The following FAM177B variants were observed in gnomAD, a reference collection of about 807,000 sequenced individuals.
FAM177B encodes the protein protein FAM177B.
Under a neutral mutation model 16.1 loss-of-function variants are expected in FAM177B, and 16 were observed. The observed-to-expected ratio is 0.99, with a 90% CI of 0.67 to 1.51. The LOEUF (loss-of-function observed/expected upper bound fraction) is 1.51. FAM177B is among the 40% of genes most tolerant of loss of function. The probability of loss-of-function intolerance (pLI) is 0.00; values close to 1 mark genes in which losing one functional copy is unlikely to be tolerated. For missense variants in FAM177B, 178 were observed against 183.7 expected (o/e 0.97, Z 0.18); for synonymous variants, 56 against 59.9 (o/e 0.93, Z 0.30).
intron 4 of FAM177B, 43 bp from the exon 5 acceptor site, chr1:222,749,422 A>G (rs1658950161): frequency 8.9e-7 from 1 of 1,128,380 alleles, no homozygotes; most frequent in Non-Finnish European, 1.3e-6. Context: ...GCGAAGCTTT[A>G]GTTAGTAATT....
rs1659010664 is a variant in FAM177B at position 222,750,668 on chromosome 1, AT to A, written c.*611del. 5.6e-6 allele frequency: 3 copies of A among 534,396 alleles called. No homozygotes were observed. Among genetic ancestry groups the A allele is most frequent in the Non-Finnish European group, 7.2e-6 (3 of 418,450 alleles). 33.1% of individuals were successfully genotyped at this position (534,396 alleles called of 1,614,324 possible). A position where few individuals can be genotyped will look rare whatever the true frequency, so the allele number is the denominator to read the frequency against. ...TAAATAATATAAGCTCTAGAAAAAA[AT>A]ATTAATGGATTATTTTCTTATTTAT... On this transcript the variant is annotated 3_prime_UTR_variant, in exon 6 of 6. Coordinates refer to ENST00000445590, the MANE Select transcript of FAM177B (RefSeq NM_001394345.1).
chr1:222,746,569 G>C lies in FAM177B; in HGVS notation c.24G>C (p.Gln8His). 6.2e-7 allele frequency: 1 copy of C among 1,606,716 alleles called. No individual in the cohort carries two copies. Among genetic ancestry groups the C allele is most frequent in the Non-Finnish European group, 8.5e-7 (1 of 1,175,246 alleles). MEIDGFQ[Q>H]LDLEKSVPSK... is the part of the protein sequence containing the mutation. The stretch of plus-strand genomic sequence containing the variant: ...TTATGGAGATTGACGGTTTCCAGCA[G>C]TTAGACCTAGAGAAGAGTGTACCTT... Residue 8 changes from glutamine to histidine, a missense_variant, in exon 3 of 6, where the codon CAG becomes CAC. Physicochemically the swap from Gln to His is conservative, Grantham distance 24. Transcript: ENST00000445590.
chr1:222,750,937 G>A lies in FAM177B; in HGVS notation c.*879G>A, dbSNP rs1659024437. ...AGCTCCAGTCTACTTTGTAAAATAT[G>A]GGTGACTTGACTTTGCTTGTTATTG... On this transcript the variant is annotated 3_prime_UTR_variant, in exon 6 of 6. Coordinates refer to ENST00000445590, the MANE Select transcript of FAM177B (RefSeq NM_001394345.1). 1 of 152,118 alleles carries A rather than the reference G, an allele frequency of 6.6e-6. No homozygotes were observed. The highest frequency in any genetic ancestry group is 2.4e-5 in the African/African-American group (1 of 41,428). The allele number at this position is 152,118 out of a possible 1,614,324, so 9.4% of individuals were successfully genotyped here.
At chr1:222,741,905 CCTCTCT>C (rs71175184) in intron 2 of FAM177B, among the ~76,000 whole-genome samples, 1,140 of 77,938 alleles carry the variant, frequency 0.015, 20 homozygotes, top group African/African-American at 0.04. Context: ...TCCCTCCCTC[CCTCTCT>C]CTCTCTCTCT....
rs869214716 is a variant in FAM177B, at chr1:222,745,457, AT to A, written c.-15-1066del. Among the ~76,000 whole-genome samples, 72 of 151,772 alleles carry A rather than the reference AT, an allele frequency of 4.7e-4. 1 individual carries two copies. Among genetic ancestry groups the A allele is most frequent in the Admixed American group, 3.3e-3 (51 of 15,238 alleles). ...TGAGACCCCATCTCTATAAAAAAAA[AT>A]TTTTTTTAATTAGCCAGGCTTGGTG... On this transcript the variant is annotated intron_variant, in intron 2 of 5. Transcript: ENST00000445590.
intron 2 of FAM177B, among the ~76,000 whole-genome samples, chr1:222,741,235 A>AT (rs1362834945): frequency 6.7e-6 from 1 of 149,106 alleles, no homozygotes; most frequent in Non-Finnish European, 1.5e-5. Flanking sequence ...ATTTTTTTGT[A>AT]TTTTTTTTAG....
chr1:222,743,583 C>T (rs1658649343), intron 2 of FAM177B, among the ~76,000 whole-genome samples: 1 of 152,122 alleles, frequency 6.6e-6, no homozygotes. Flanking sequence ...TCAGCTTCAT[C>T]TTAGGTTTTC....
intron 4 of FAM177B, among the ~76,000 whole-genome samples, chr1:222,748,661 T>G (rs1020420202): frequency 2.0e-5 from 3 of 152,206 alleles, no homozygotes; most frequent in Admixed American, 6.5e-5. Flanking sequence ...ATTTTAATAT[T>G]TTTTTAAAAA....
At position 222,748,811 on chromosome 1, in the gene FAM177B, G is replaced by C. The variant is rs74145543; in HGVS notation, c.242-654G>C. ...AGCAATATCCCAAGAGGTAGAATGA[G>C]TCAGAGGAATCAGAAAGTCCTATAA... On this transcript the variant is annotated intron_variant, in intron 4 of 5. Coordinates refer to ENST00000445590, the MANE Select transcript of FAM177B (RefSeq NM_001394345.1). The C allele has an allele frequency of 6.5e-3, 2,189 of 334,692 alleles. 50 individuals carry two copies. Among genetic ancestry groups the C allele is most frequent in the African/African-American group, 0.043 (2,002 of 46,270 alleles). The allele number at this position is 334,692 out of a possible 1,614,324, so 20.7% of individuals were successfully genotyped here.
intron 4 of FAM177B, chr1:222,748,866 C>A: frequency 2.8e-6 from 1 of 352,920 alleles, no homozygotes; most frequent in Non-Finnish European, 5.7e-6. Flanking sequence ...TGTCGGAAAT[C>A]CTCTAATTGT....
chr1:222,749,878 T>C, intron 5 of FAM177B, 43 bp from the exon 6 acceptor site: 1 of 1,608,070 alleles, frequency 6.2e-7, no homozygotes, highest in Non-Finnish European at 8.5e-7. Context: ...TCAGAGGTCT[T>C]TGTTTGTACA....
Position 222,741,223 on chromosome 1 carries a change from T to C in FAM177B, c.-16+3202T>C, listed in dbSNP as rs1658517683. Among the ~76,000 whole-genome samples the C allele has an allele frequency of 2.0e-5, 3 of 151,834 alleles. No homozygotes were observed. The South Asian group carries it at 6.2e-4, about 32-fold the overall frequency. ...ACAGGCACATGCCACCAAGTCCGGCTAATTTTTTTGTATTTTTTTTAGTAT... is the reference window on the plus strand; with the variant it reads ...ACAGGCACATGCCACCAAGTCCGGCCAATTTTTTTGTATTTTTTTTAGTAT... On this transcript the variant is annotated intron_variant, in intron 2 of 5. Coordinates refer to ENST00000445590, the MANE Select transcript of FAM177B (RefSeq NM_001394345.1).
At chr1:222,739,180 C>T (rs759453673) in intron 2 of FAM177B, among the ~76,000 whole-genome samples, 1 of 152,072 alleles carries the variant, frequency 6.6e-6, no homozygotes, top group Non-Finnish European at 1.5e-5. Flanking sequence ...AGTAAATTGA[C>T]TATAATGAGA....
At chr1:222,741,815 CTTTCTTTCTTT>C (rs1274174080) in intron 2 of FAM177B, among the ~76,000 whole-genome samples, 3 of 136,176 alleles carry the variant, frequency 2.2e-5, no homozygotes, top group Non-Finnish European at 4.7e-5. Flanking sequence ...TTTCTTTCTT[CTTTCTTTCTTT>C]TTTCTTTCTT....
chr1:222,742,197 C>A (rs1386034189), intron 2 of FAM177B, among the ~76,000 whole-genome samples: 1 of 151,998 alleles, frequency 6.6e-6, no homozygotes, highest in Non-Finnish European at 1.5e-5. Context: ...AAATATATAT[C>A]TCTTTTTTTC....
At chr1:222,742,097 C>T (rs1202352853) in intron 2 of FAM177B, among the ~76,000 whole-genome samples, 1 of 151,946 alleles carries the variant, frequency 6.6e-6, no homozygotes, top group Non-Finnish European at 1.5e-5. Context: ...TGAGCCACAG[C>T]GCCCGGCCTG....
Position 222,750,135 on chromosome 1 carries a change from G to C in FAM177B, c.*77G>C, listed in dbSNP as rs1658990341. 2 of 1,555,656 alleles carry C rather than the reference G, an allele frequency of 1.3e-6. No individual in the cohort carries two copies. The highest frequency in any genetic ancestry group is 1.7e-6 in the Non-Finnish European group (2 of 1,155,436). ...CAAAGACTGCAGTTTCCCTGGATCT[G>C]TTCCTTGGCCATTGATTACCATGGC... is the stretch of plus-strand genomic sequence containing the variant. On this transcript the variant is annotated 3_prime_UTR_variant, in exon 6 of 6. Transcript: ENST00000445590.
At chr1:222,743,759 A>G (rs1342518543) in intron 2 of FAM177B, among the ~76,000 whole-genome samples, 1 of 152,156 alleles carries the variant, frequency 6.6e-6, no homozygotes, top group South Asian at 2.1e-4. Context: ...TATTTTATAG[A>G]TAAGATAGTA....
In FAM177B at chr1:222,750,244, C is replaced by T. The variant is rs1230215232; in HGVS notation, c.*186C>T. On this transcript the variant is annotated 3_prime_UTR_variant, in exon 6 of 6. Transcript: ENST00000445590. ...GTCTCAAGCATCCAGGAATTACAAGCAATAATGAGAGTAATTTTGGACACT... is the reference window on the plus strand; with the variant it reads ...GTCTCAAGCATCCAGGAATTACAAGTAATAATGAGAGTAATTTTGGACACT... 47 of 1,393,112 alleles carry T rather than the reference C, an allele frequency of 3.4e-5. No individual in the cohort carries two copies. Among genetic ancestry groups the T allele is most frequent in the Non-Finnish European group, 4.1e-5 (44 of 1,078,302 alleles). The allele number at this position is 1,393,112 out of a possible 1,614,324, so 86.3% of individuals were successfully genotyped here.
Sources: allele counts gnomAD v4.1 joint callset (sites outside exome capture counted in the v4.1 genomes callset), GRCh38; gene constraint gnomAD v4.1.1; transcripts MANE v1.5; gene names NCBI Gene and HGNC (gene_info 2026-07-23, HGNC 2026-07-21).